The following SIMC1 variants were observed in gnomAD, a reference collection of about 807,000 sequenced individuals.
The protein encoded by SIMC1 is SUMO-interacting motif-containing protein 1.
A neutral mutation model predicts 82.3 loss-of-function variants in SIMC1; 55 were observed. That is an observed-to-expected ratio of 0.67 (90% CI 0.54 to 0.84). SIMC1 has a LOEUF of 0.84. Ranked by LOEUF, SIMC1 falls within the 40% of genes least tolerant of loss-of-function variation. The probability of loss-of-function intolerance (pLI) is 0.00; values close to 1 mark genes in which losing one functional copy is unlikely to be tolerated. For synonymous variants in SIMC1, 353 were observed against 426.3 expected, an observed-to-expected ratio of 0.83 and a Z score of 2.12; for missense variants, 915 against 1,107.2, an observed-to-expected ratio of 0.83 and a Z score of 2.46.
intron 1 of SIMC1, among the ~76,000 whole-genome samples, chr5:176,252,245 C>T (rs1428948612): frequency 2.0e-5 from 3 of 149,084 alleles, no homozygotes; most frequent in South Asian, 2.1e-4. Flanking sequence ...CCGGACGGGG[C>T]GGCTGGCTAG....
intron 4 of SIMC1, chr5:176,308,579 C>A (rs1192569771): frequency 1.3e-6 from 2 of 1,588,452 alleles, no homozygotes; most frequent in Non-Finnish European, 1.7e-6. Flanking sequence ...TCTACACTTG[C>A]TTCCAATCCA....
intron 7 of SIMC1, among the ~76,000 whole-genome samples, chr5:176,329,422 G>A (rs1187407216): frequency 1.3e-5 from 2 of 149,840 alleles, no homozygotes; most frequent in Admixed American, 1.3e-4. Context: ...AGTGAGCAGA[G>A]ATAGAGATAG....
chr5:176,244,776 C>T (rs1425108813), intron 1 of SIMC1, among the ~76,000 whole-genome samples: 7 of 133,394 alleles, frequency 5.2e-5, no homozygotes, highest in Non-Finnish European at 1.1e-4. Flanking sequence ...GGCTGGAGTG[C>T]AATGGCGCAA....
chr5:176,283,929 G>C (rs1763137791), intron 1 of SIMC1, among the ~76,000 whole-genome samples: 1 of 152,056 alleles, frequency 6.6e-6, no homozygotes, highest in Admixed American at 6.6e-5. Flanking sequence ...AGACAAAGAA[G>C]GCCATTACAT....
At chr5:176,313,546 C>G in intron 4 of SIMC1, 145 bp from the exon 5 acceptor site, 3 of 1,546,676 alleles carry the variant, frequency 1.9e-6, no homozygotes, top group Non-Finnish European at 2.7e-6. Flanking sequence ...GACTACCTGC[C>G]CTCTCCTAGG....
At chr5:176,274,605 C>T (rs1762598812) in intron 1 of SIMC1, among the ~76,000 whole-genome samples, 1 of 151,904 alleles carries the variant, frequency 6.6e-6, no homozygotes, top group Admixed American at 6.5e-5. Context: ...AATGGTAATG[C>T]CTAGGTTTTC....
intron 1 of SIMC1, among the ~76,000 whole-genome samples, chr5:176,274,080 A>G (rs1322067317): frequency 6.7e-6 from 1 of 148,804 alleles, no homozygotes; most frequent in Admixed American, 6.7e-5. Context: ...GAATCGCCAC[A>G]CTGACTTCCA....
chr5:176,269,910 A>C (rs1305339865), intron 1 of SIMC1, among the ~76,000 whole-genome samples: 1 of 151,882 alleles, frequency 6.6e-6, no homozygotes, highest in Non-Finnish European at 1.5e-5. Context: ...CACGCCCAGC[A>C]AGTTTATTTT....
At chr5:176,289,495 C>A (rs1430578140) in intron 1 of SIMC1, among the ~76,000 whole-genome samples, 159 bp from the exon 2 acceptor site, 2 of 151,970 alleles carry the variant, frequency 1.3e-5, no homozygotes, top group East Asian at 3.9e-4. Context: ...AAATTGACAG[C>A]TTTGGCAATA....
chr5:176,272,670 G>T (rs1762497707), intron 1 of SIMC1, among the ~76,000 whole-genome samples: 1 of 152,162 alleles, frequency 6.6e-6, no homozygotes, highest in Non-Finnish European at 1.5e-5. Flanking sequence ...AAGGGTCAGG[G>T]AATTCCCTTT....
At chr5:176,334,183 G>A (rs1015504967) in intron 7 of SIMC1, among the ~76,000 whole-genome samples, 2 of 152,042 alleles carry the variant, frequency 1.3e-5, no homozygotes, top group Admixed American at 1.3e-4. Flanking sequence ...ACATCTTCCT[G>A]CTTTTTTTAC....
At chr5:176,292,498 T>C (rs964545043) in intron 2 of SIMC1, among the ~76,000 whole-genome samples, 4 of 152,206 alleles carry the variant, frequency 2.6e-5, no homozygotes, top group African/African-American at 9.7e-5. Flanking sequence ...TCTTCTAATA[T>C]GTTGTAGGTC....
intron 4 of SIMC1, among the ~76,000 whole-genome samples, chr5:176,310,346 CT>C (rs1764613676): frequency 6.6e-6 from 1 of 152,186 alleles, no homozygotes; most frequent in Non-Finnish European, 1.5e-5. Flanking sequence ...CTATATTGTA[CT>C]TGTACCCAAA....
chr5:176,283,092 A>G (rs1763088617), intron 1 of SIMC1, among the ~76,000 whole-genome samples: 2 of 152,214 alleles, frequency 1.3e-5, no homozygotes, highest in Non-Finnish European at 2.9e-5. Context: ...CAAGTTGGAA[A>G]ACACTCTTCA....
rs868844373 is a variant in SIMC1, at chr5:176,253,171, T to A, written c.129+14534T>A. On this transcript the variant is annotated intron_variant, in intron 1 of 9. Coordinates refer to ENST00000429602, the MANE Select transcript of SIMC1 (RefSeq NM_001308195.2). ...GGGAGAGGGAGAGGTGAAAATTATT[T>A]TCTTAAGAATGTTGAATATTGGCCC... Among the ~76,000 whole-genome samples, 6 of 152,152 alleles carry A rather than the reference T, an allele frequency of 3.9e-5. No individual in the cohort carries two copies. In the Middle Eastern group the frequency reaches 0.017, roughly 434 times the overall value.
At position 176,238,594 on chromosome 5, in the gene SIMC1, G is replaced by T. The variant is rs1389566093; in HGVS notation, c.86G>T (p.Arg29Leu). Residue 29 changes from arginine (R) to leucine (L), a missense_variant, in exon 1 of 10, where the codon CGG (arginine) becomes CTG (leucine). Transcript: ENST00000429602. ...CCGGGCCGGTCGCGGAGGCCGCGCC[G>T]GGCCCTGTCGCGAACCTCCGGCGCG... Reference protein sequence around the residue: ...ARPGRSRRPRRALSRTSGALP... With the variant: ...ARPGRSRRPRLALSRTSGALP... 8 of 1,263,810 alleles carry T rather than the reference G, an allele frequency of 6.3e-6. No homozygotes were observed. The highest frequency in any genetic ancestry group is 8.0e-6 in the Non-Finnish European group (8 of 1,003,446). 78.3% of individuals were successfully genotyped at this position (1,263,810 alleles called of 1,614,324 possible).
chr5:176,298,926 G>A (rs1763929693), intron 4 of SIMC1, among the ~76,000 whole-genome samples: 1 of 152,186 alleles, frequency 6.6e-6, no homozygotes, highest in Non-Finnish European at 1.5e-5. Context: ...AAGGCTACAA[G>A]ACGTATAGGA....
chr5:176,313,919 A>G, intron 5 of SIMC1, 74 bp downstream of exon 5: 3 of 1,586,988 alleles, frequency 1.9e-6, no homozygotes, highest in Admixed American at 1.7e-5. Flanking sequence ...AGGCCAGAAT[A>G]TCAGCCAGGT....
intron 4 of SIMC1, among the ~76,000 whole-genome samples, chr5:176,297,501 T>TG (rs1561704586): frequency 1.1e-4 from 7 of 61,208 alleles, no homozygotes; most frequent in African/African-American, 4.9e-4. Context: ...AAACTCTGTC[T>TG]CAAAAAAAAA....
Sources: allele counts gnomAD v4.1 joint callset (sites outside exome capture counted in the v4.1 genomes callset), GRCh38; gene constraint gnomAD v4.1.1; transcripts MANE v1.5; gene names NCBI Gene and HGNC (gene_info 2026-07-23, HGNC 2026-07-21).